EVA1C: variants seen among roughly 807,000 people sequenced by gnomAD.
EVA1C encodes protein eva-1 homolog C.
In EVA1C, 25 loss-of-function variants were observed where a neutral mutation model predicts 45.4. The ratio of observed to expected loss-of-function variants is 0.55; its 90% CI spans 0.40 to 0.77. The LOEUF (loss-of-function observed/expected upper bound fraction) is 0.77. EVA1C is among the 30% of genes least tolerant of loss of function. The pLI, the probability that EVA1C is intolerant of heterozygous loss-of-function variation, is 0.00. For missense variants in EVA1C, 479 were observed against 554.8 expected (o/e 0.86, Z 1.37); for synonymous variants, 190 against 221.2 (o/e 0.86, Z 1.25).
chr21:32,503,071 A>G lies in EVA1C; in HGVS notation c.860-855A>G, dbSNP rs576982272. ...GACATGGCTAGGAGTCCCCCAAGCC[A>G]TCAGGTTACCCCATCACAGACTTGC... is the stretch of plus-strand genomic sequence containing the variant. On this transcript the variant is annotated intron_variant, in intron 6 of 7. Transcript: ENST00000300255. Among the ~76,000 whole-genome samples the G allele has an allele frequency of 2.6e-5, 4 of 152,348 alleles. No individual in the cohort carries two copies. In the South Asian group the frequency reaches 8.3e-4, roughly 32 times the overall value.
At chr21:32,455,846 C>T (rs1008696053) in intron 2 of EVA1C, among the ~76,000 whole-genome samples, 12 of 152,220 alleles carry the variant, frequency 7.9e-5, no homozygotes, top group Non-Finnish European at 1.2e-4. Context: ...CATCCCCATG[C>T]GCTACTCTTT....
chr21:32,507,773 T>C (rs1192736522), intron 7 of EVA1C, among the ~76,000 whole-genome samples: 2 of 151,708 alleles, frequency 1.3e-5, no homozygotes, highest in Non-Finnish European at 2.9e-5. Context: ...TGTGTGCATG[T>C]ATGTGTATCT....
chr21:32,438,630 C>T (rs1182954191), intron 1 of EVA1C, among the ~76,000 whole-genome samples: 1 of 152,114 alleles, frequency 6.6e-6, no homozygotes, highest in Non-Finnish European at 1.5e-5. Context: ...CTCTTCACCA[C>T]CCAGCGCACA....
rs1214869322 is a variant in EVA1C at position 32,412,736 on chromosome 21, C to A, written c.-118C>A. 5 of 1,090,242 alleles carry A rather than the reference C, an allele frequency of 4.6e-6. No individual in the cohort carries two copies. The highest frequency in any genetic ancestry group is 6.6e-5 in the East Asian group (2 of 30,224). The allele number at this position is 1,090,242 out of a possible 1,614,324, so 67.5% of individuals were successfully genotyped here. A position where few individuals can be genotyped will look rare whatever the true frequency, so the allele number is the denominator to read the frequency against. On this transcript the variant is annotated 5_prime_UTR_variant, in exon 1 of 8. Transcript: ENST00000300255. ...GGCTCTGGCAGCCTGGGCAGGGAGG[C>A]GGCGGGGGGCCGCGGAGCCGCTGGC...
chr21:32,463,477 G>T (rs945546036), intron 3 of EVA1C, among the ~76,000 whole-genome samples: 1 of 152,164 alleles, frequency 6.6e-6, no homozygotes, highest in African/African-American at 2.4e-5. Flanking sequence ...CAGTGAATTC[G>T]CACATTCCCA....
At chr21:32,462,503 ATCCT>A (rs2036034899) in intron 3 of EVA1C, among the ~76,000 whole-genome samples, 1 of 152,258 alleles carries the variant, frequency 6.6e-6, no homozygotes, top group Non-Finnish European at 1.5e-5. Context: ...ATCGCGGCAG[ATCCT>A]TCCTCTGCCC....
rs117907898 is a variant in EVA1C at position 32,421,451 on chromosome 21, G to C, written c.160+8438G>C. 4.6e-5 allele frequency among the ~76,000 whole-genome samples: 7 copies of C among 152,294 alleles called. No homozygotes were observed. The East Asian group carries it at 1.3e-3, about 29-fold the overall frequency. ...GAAACTTGTCATAGCCTAGGTTCAG[G>C]ATTGGAGAAAAAAATAATGTCTCTT... On this transcript the variant is annotated intron_variant, in intron 1 of 7. Transcript: ENST00000300255.
rs1353484815 is a variant in EVA1C at position 32,468,394 on chromosome 21, A to AAC, written c.634+547_634+548insCA. On this transcript the variant is annotated intron_variant, in intron 4 of 7. Transcript: ENST00000300255. ...TCTCAAAAAACAAACAAACAAACAA[A>AAC]AAAACAAAACAAACAAAAAAACAAG... is the stretch of plus-strand genomic sequence containing the variant. Among the ~76,000 whole-genome samples, 114 of 151,142 alleles carry AAC rather than the reference A, an allele frequency of 7.5e-4. 1 individual carries two copies. Among genetic ancestry groups the AAC allele is most frequent in the African/African-American group, 1.9e-3 (79 of 40,856 alleles).
chr21:32,459,613 G>A (rs993590396), intron 3 of EVA1C, among the ~76,000 whole-genome samples: 3 of 151,984 alleles, frequency 2.0e-5, no homozygotes, highest in African/African-American at 7.3e-5. Context: ...AGGCTGAGGC[G>A]GGTAGATCAC....
At chr21:32,414,640 G>C (rs1239900279) in intron 1 of EVA1C, among the ~76,000 whole-genome samples, 1 of 152,126 alleles carries the variant, frequency 6.6e-6, no homozygotes, top group Non-Finnish European at 1.5e-5. Context: ...ACATACAGTG[G>C]AGTTGAGCTA....
chr21:32,495,673 A>T (rs2037329700), intron 5 of EVA1C, among the ~76,000 whole-genome samples: 1 of 152,210 alleles, frequency 6.6e-6, no homozygotes, highest in African/African-American at 2.4e-5. Context: ...AAACAATAAA[A>T]ATTGTTACAC....
At chr21:32,459,473 G>A (rs1174861359) in intron 3 of EVA1C, among the ~76,000 whole-genome samples, 1 of 152,128 alleles carries the variant, frequency 6.6e-6, no homozygotes, top group Non-Finnish European at 1.5e-5. Context: ...CACCCTTGAC[G>A]GCCATTAGCT....
At chr21:32,488,151 G>C (rs1015481222) in intron 4 of EVA1C, among the ~76,000 whole-genome samples, 3 of 152,096 alleles carry the variant, frequency 2.0e-5, no homozygotes, top group Non-Finnish European at 4.4e-5. Flanking sequence ...AAATATGCAA[G>C]GAACTTATAC....
intron 7 of EVA1C, among the ~76,000 whole-genome samples, chr21:32,508,077 G>A (rs990206360): frequency 6.6e-6 from 1 of 152,170 alleles, no homozygotes; most frequent in Non-Finnish European, 1.5e-5. Context: ...GAAGTTCTTA[G>A]CAAAGCAGTG....
chr21:32,489,111 T>G (rs2037071966), intron 4 of EVA1C, among the ~76,000 whole-genome samples: 1 of 152,268 alleles, frequency 6.6e-6, no homozygotes, highest in African/African-American at 2.4e-5. Flanking sequence ...TTTAGCTTGA[T>G]GTGGTCCCAC....
intron 1 of EVA1C, 94 bp downstream of exon 1, chr21:32,413,107 G>T: frequency 8.9e-7 from 1 of 1,124,968 alleles, no homozygotes. Context: ...GACACGGCGG[G>T]GTAGGATTAA....
chr21:32,435,288 G>A (rs1037415569), intron 1 of EVA1C, among the ~76,000 whole-genome samples: 19 of 151,926 alleles, frequency 1.3e-4, no homozygotes, highest in African/African-American at 3.6e-4. Context: ...TCCTGGCCTC[G>A]AGCTACCCTC....
chr21:32,424,384 T>C (rs2833807), intron 1 of EVA1C, among the ~76,000 whole-genome samples: 24,780 of 152,072 alleles, frequency 0.16, 2,496 homozygotes, highest in East Asian at 0.28. Flanking sequence ...ATGTATGATC[T>C]TATCTAGAAG....
chr21:32,421,328 T>C lies in EVA1C; in HGVS notation c.160+8315T>C, dbSNP rs572897978. Among the ~76,000 whole-genome samples the C allele has an allele frequency of 2.7e-3, 397 of 149,230 alleles. 2 individuals are homozygous for C. Among genetic ancestry groups the C allele is most frequent in the Non-Finnish European group, 4.5e-3 (309 of 68,008 alleles). On this transcript the variant is annotated intron_variant, in intron 1 of 7. Transcript: ENST00000300255. ...ACCACTGTATAGTGAGGAATTAGAA[T>C]AAAGACCTCTATATAAAGCCAGGAC...
Sources: allele counts gnomAD v4.1 joint callset (sites outside exome capture counted in the v4.1 genomes callset), GRCh38; gene constraint gnomAD v4.1.1; transcripts MANE v1.5; gene names NCBI Gene and HGNC (gene_info 2026-07-23, HGNC 2026-07-21).